ITFG1: variants seen among roughly 807,000 people sequenced by gnomAD.
ITFG1 encodes the protein integrin alpha FG-GAP repeat containing 1.
Under a neutral mutation model 81.8 loss-of-function variants are expected in ITFG1, and 34 were observed. That is an observed-to-expected ratio of 0.42 (90% confidence interval 0.32 to 0.55). The LOEUF is 0.55. ITFG1 is among the 20% of genes least tolerant of loss of function. ITFG1 has a pLI of 0.17. For missense variants in ITFG1, 672 were observed against 755.4 expected (o/e 0.89, Z 1.29); for synonymous variants, 285 against 270.6 (o/e 1.05, Z -0.52).
intron 5 of ITFG1, chr16:47,449,179 A>G (rs898461801): frequency 2.0e-5 from 3 of 152,250 alleles, no homozygotes; most frequent in African/African-American, 7.2e-5. Context: ...AGATCATTGC[A>G]TGCTTCCCAA....
chr16:47,266,999 G>T (rs1045775192), intron 10 of ITFG1, among the ~76,000 whole-genome samples: 12 of 152,164 alleles, frequency 7.9e-5, no homozygotes, highest in Non-Finnish European at 1.3e-4. Flanking sequence ...CTATAGCGAT[G>T]GAAAGTAGAC....
chr16:47,187,622 T>C (rs1362141346), intron 14 of ITFG1, among the ~76,000 whole-genome samples: 12 of 151,854 alleles, frequency 7.9e-5, no homozygotes, highest in Non-Finnish European at 1.3e-4. Context: ...CAAGATGGAT[T>C]AAAGACTTAA....
In ITFG1 at chr16:47,448,592, G is replaced by A. The variant is rs554782348; in HGVS notation, c.560+2804C>T. 7 of 149,788 alleles carry A rather than the reference G, an allele frequency of 4.7e-5. No individual in the cohort carries two copies. In the East Asian group the frequency reaches 1.4e-3, roughly 29 times the overall value. The allele number at this position is 149,788 out of a possible 1,614,324, so 9.3% of individuals were successfully genotyped here. On this transcript the variant is annotated intron_variant, in intron 5 of 17. Transcript: ENST00000320640. ...CCCAGAACGTATTTGAACTCAGTAC[G>A]TGAGTCAGAAAATTTTTTTTTTTTT...
intron 14 of ITFG1, among the ~76,000 whole-genome samples, chr16:47,214,401 A>G (rs1263489728): frequency 2.0e-5 from 3 of 152,206 alleles, no homozygotes; most frequent in Non-Finnish European, 4.4e-5. Flanking sequence ...TAGAAAAGCA[A>G]TTCTTGGTCT....
chr16:47,377,047 C>T (rs1188597101), intron 6 of ITFG1, among the ~76,000 whole-genome samples: 3 of 148,502 alleles, frequency 2.0e-5, no homozygotes, highest in Non-Finnish European at 3.0e-5. Context: ...TTTTTCCCTT[C>T]CTACATTAGA....
intron 6 of ITFG1, among the ~76,000 whole-genome samples, chr16:47,398,169 C>T (rs1209368258): frequency 6.6e-6 from 1 of 152,170 alleles, no homozygotes; most frequent in Non-Finnish European, 1.5e-5. Context: ...CTGTCACACA[C>T]CTCCTTCAAC....
intron 5 of ITFG1, among the ~76,000 whole-genome samples, chr16:47,431,282 G>A (rs561643517): frequency 2.6e-5 from 4 of 152,218 alleles, no homozygotes; most frequent in Admixed American, 2.0e-4. Flanking sequence ...GGAGGTGGGC[G>A]GCAGGCAAGT....
rs568783638 is a variant in ITFG1, at chr16:47,391,454, T to C, written c.656-15514A>G. ...CTACCAATTTACTCAGAGTAAAATTTAGTGCACTAATTTTTAATGTTGCTT... is the reference window on the plus strand; with the variant it reads ...CTACCAATTTACTCAGAGTAAAATTCAGTGCACTAATTTTTAATGTTGCTT... On this transcript the variant is annotated intron_variant, in intron 6 of 17. Transcript: ENST00000320640. 1.6e-4 allele frequency among the ~76,000 whole-genome samples: 24 copies of C among 152,312 alleles called. No homozygotes were observed. In the Middle Eastern group the frequency reaches 0.014, roughly 86 times the overall value.
chr16:47,225,083 C>T (rs192932342), intron 13 of ITFG1, among the ~76,000 whole-genome samples: 2 of 152,192 alleles, frequency 1.3e-5, no homozygotes, highest in Non-Finnish European at 1.5e-5. Flanking sequence ...TGTCTCACCA[C>T]AGTAACAATA....
At chr16:47,396,176 C>G (rs1189736967) in intron 6 of ITFG1, 1 of 985,106 alleles carries the variant, frequency 1.0e-6, no homozygotes, top group Admixed American at 6.2e-5. Context: ...ACATTTGCCT[C>G]TGAAGAAAAG....
At chr16:47,284,710 T>C (rs527684592) in intron 10 of ITFG1, among the ~76,000 whole-genome samples, 1 of 152,362 alleles carries the variant, frequency 6.6e-6, no homozygotes, top group East Asian at 1.9e-4. Context: ...GAAGAATGAA[T>C]GTGCTATTTT....
rs569971294 is a variant in ITFG1 at position 47,193,815 on chromosome 16, T to C, written c.1453+25053A>G. Reference sequence around the variant, plus strand: ...TATTATTATTATGGTTAGTAAACTGTTCACTAAACTGTAATGAAAAATAAA... The same window carrying C: ...TATTATTATTATGGTTAGTAAACTGCTCACTAAACTGTAATGAAAAATAAA... On this transcript the variant is annotated intron_variant, in intron 14 of 17. Transcript: ENST00000320640. 2.6e-4 allele frequency among the ~76,000 whole-genome samples: 39 copies of C among 152,334 alleles called. No individual in the cohort carries two copies. The East Asian group carries it at 7.5e-3, about 29-fold the overall frequency.
intron 8 of ITFG1, among the ~76,000 whole-genome samples, chr16:47,348,118 G>C (rs1259402812): frequency 6.6e-6 from 1 of 152,134 alleles, no homozygotes; most frequent in East Asian, 1.9e-4. Context: ...GGAAAAAACA[G>C]AACAGAAAAA....
intron 10 of ITFG1, among the ~76,000 whole-genome samples, chr16:47,278,421 T>G (rs1966419438): frequency 6.6e-6 from 1 of 152,116 alleles, no homozygotes; most frequent in South Asian, 2.1e-4. Flanking sequence ...GCTGAGTCAG[T>G]CTAGGGCAGG....
chr16:47,246,415 T>G (rs1966002967), intron 12 of ITFG1, among the ~76,000 whole-genome samples: 1 of 152,034 alleles, frequency 6.6e-6, no homozygotes, highest in African/African-American at 2.4e-5. Context: ...ACAAATAGAG[T>G]ATGCATTTCC....
At chr16:47,378,181 A>G (rs890282051) in intron 6 of ITFG1, among the ~76,000 whole-genome samples, 3 of 152,248 alleles carry the variant, frequency 2.0e-5, no homozygotes. Flanking sequence ...TGAAAGAACT[A>G]AAACTGAGAA....
intron 5 of ITFG1, chr16:47,449,179 A>C (rs898461801): frequency 1.3e-5 from 2 of 152,250 alleles, no homozygotes; most frequent in South Asian, 2.1e-4. Context: ...AGATCATTGC[A>C]TGCTTCCCAA....
chr16:47,443,650 A>G (rs1969284803), intron 5 of ITFG1, among the ~76,000 whole-genome samples: 1 of 152,118 alleles, frequency 6.6e-6, no homozygotes, highest in Non-Finnish European at 1.5e-5. Flanking sequence ...TCGCAAGGAG[A>G]AAAAACCAAA....
At chr16:47,385,913 T>C (rs1173117739) in intron 6 of ITFG1, among the ~76,000 whole-genome samples, 2 of 152,240 alleles carry the variant, frequency 1.3e-5, no homozygotes, top group Admixed American at 1.3e-4. Context: ...TTGATCATAT[T>C]TAACTTACAG....
Sources: gnomAD v4.1 joint callset for allele counts (sites outside exome capture counted in the v4.1 genomes callset) on GRCh38, gnomAD v4.1.1 for gene constraint, MANE v1.5 for transcripts, NCBI Gene and HGNC (gene_info 2026-07-23, HGNC 2026-07-21) for gene names.